Variants in ATP8B4 observed in about 807,000 individuals in gnomAD.
ATP8B4 encodes the protein probable phospholipid-transporting ATPase IM.
ATP8B4 carries 133 observed loss-of-function variants against 145.6 expected under a neutral mutation model. That is an observed-to-expected ratio of 0.91 (90% CI 0.79 to 1.05). ATP8B4 has a LOEUF of 1.05. Among genes scored for constraint, ATP8B4 ranks in the 50% least tolerant of loss-of-function variants. The probability of loss-of-function intolerance (pLI) is 0.00; values close to 1 mark genes in which losing one functional copy is unlikely to be tolerated. For synonymous variants in ATP8B4, 507 were observed against 492.9 expected, an observed-to-expected ratio of 1.03 and a Z score of -0.38; for missense variants, 1,458 against 1,425.2, an observed-to-expected ratio of 1.02 and a Z score of -0.37.
At chr15:49,948,786 G>T (rs28836239) in intron 14 of ATP8B4, among the ~76,000 whole-genome samples, 20,456 of 152,086 alleles carry the variant, frequency 0.13, 2,039 homozygotes, top group African/African-American at 0.28. Flanking sequence ...TTGCTGTGCA[G>T]AAGCTCTTTA....
intron 14 of ATP8B4, among the ~76,000 whole-genome samples, chr15:49,949,424 G>A (rs1041668249): frequency 2.0e-5 from 3 of 152,010 alleles, no homozygotes; most frequent in African/African-American, 7.3e-5. Flanking sequence ...TATTCTCTTC[G>A]TAGTGATTGT....
rs76598011 is a variant in ATP8B4, at chr15:50,050,006, A to T, written c.88-2542T>A. Among the ~76,000 whole-genome samples, 421 of 152,250 alleles carry T rather than the reference A, an allele frequency of 2.8e-3. 3 individuals carry two copies. The highest frequency in any genetic ancestry group is 9.9e-3 in the African/African-American group (410 of 41,524). On this transcript the variant is annotated intron_variant, in intron 3 of 27. Transcript: ENST00000284509. The stretch of plus-strand genomic sequence containing the variant: ...CATAGCAAATTCCATGCCTGGGGTC[A>T]CCTAGACCAAGTCTAAGGCCTTTCT...
At chr15:49,927,655 G>C in intron 16 of ATP8B4, among the ~76,000 whole-genome samples, 1 of 152,082 alleles carries the variant, frequency 6.6e-6, no homozygotes, top group Admixed American at 6.6e-5. Context: ...CCAATGCTGA[G>C]GAAAAGCCAA....
chr15:50,153,595 C>G (rs2044375132), intron 1 of ATP8B4, among the ~76,000 whole-genome samples: 1 of 152,114 alleles, frequency 6.6e-6, no homozygotes, highest in East Asian at 1.9e-4. Flanking sequence ...CCTTGGCCTC[C>G]CAAAGTGCTG....
intron 1 of ATP8B4, among the ~76,000 whole-genome samples, chr15:50,146,104 C>T (rs1438213008): frequency 1.3e-5 from 2 of 151,438 alleles, no homozygotes; most frequent in East Asian, 3.9e-4. Flanking sequence ...CCTCTGCCCT[C>T]TGAGTTCAAG....
chr15:50,074,198 A>G lies in ATP8B4; in HGVS notation c.29-13T>C. On this transcript the variant is annotated splice_polypyrimidine_tract_variant and intron_variant, in intron 2 of 27. Coordinates refer to ENST00000284509, the MANE Select transcript of ATP8B4 (RefSeq NM_024837.4). ...ATCCGTTCCACTTCTAAAGAGAGAG[A>G]AATCAAGTATGAAATTAAATTGTAG... The G allele has an allele frequency of 6.2e-7, 1 of 1,604,454 alleles. No individual in the cohort carries two copies. Among genetic ancestry groups the G allele is most frequent in the Non-Finnish European group, 8.5e-7 (1 of 1,173,820 alleles).
At chr15:50,146,041 C>T (rs1352674644) in intron 1 of ATP8B4, among the ~76,000 whole-genome samples, 3 of 127,868 alleles carry the variant, frequency 2.3e-5, no homozygotes, top group African/African-American at 9.1e-5. Context: ...GAGACGGAGT[C>T]TCACTCTGTT....
chr15:50,014,067 T>C (rs1274726088), intron 6 of ATP8B4, among the ~76,000 whole-genome samples: 1 of 152,180 alleles, frequency 6.6e-6, no homozygotes, highest in African/African-American at 2.4e-5. Context: ...GAGGGGATTT[T>C]CAATGGGTTC....
At chr15:49,878,961 G>A (rs965100627) in intron 24 of ATP8B4, among the ~76,000 whole-genome samples, 10 of 152,192 alleles carry the variant, frequency 6.6e-5, no homozygotes, top group Non-Finnish European at 1.0e-4. Flanking sequence ...AGCTCTCAGA[G>A]GCTAAGGCAG....
At chr15:50,147,805 G>A (rs2044299111) in intron 1 of ATP8B4, among the ~76,000 whole-genome samples, 2 of 152,150 alleles carry the variant, frequency 1.3e-5, no homozygotes. Flanking sequence ...GCCAATGAAT[G>A]CATGTGGAAG....
chr15:50,145,888 C>T (rs1015461449), intron 1 of ATP8B4, among the ~76,000 whole-genome samples: 1 of 151,816 alleles, frequency 6.6e-6, no homozygotes, highest in Admixed American at 6.6e-5. Context: ...AAAGGATTAA[C>T]CAGAAACTAA....
intron 1 of ATP8B4, among the ~76,000 whole-genome samples, chr15:50,148,324 T>C (rs57335604): frequency 0.1 from 15,379 of 152,204 alleles, 867 homozygotes; most frequent in Middle Eastern, 0.15. Flanking sequence ...AAATGCAATC[T>C]GTAATCTAGA....
At chr15:50,117,870 G>C (rs529202033) in intron 1 of ATP8B4, among the ~76,000 whole-genome samples, 1 of 152,166 alleles carries the variant, frequency 6.6e-6, no homozygotes, top group African/African-American at 2.4e-5. Flanking sequence ...GGAACTGGAG[G>C]ATATTATGTT....
chr15:50,152,115 A>T (rs2044355671), intron 1 of ATP8B4, among the ~76,000 whole-genome samples: 1 of 152,146 alleles, frequency 6.6e-6, no homozygotes, highest in Admixed American at 6.6e-5. Context: ...TTGAAAAAAA[A>T]TTATATTTAG....
At chr15:49,946,297 G>A (rs1403098208) in intron 14 of ATP8B4, among the ~76,000 whole-genome samples, 2 of 152,170 alleles carry the variant, frequency 1.3e-5, no homozygotes, top group Non-Finnish European at 2.9e-5. Context: ...CATTAACGAA[G>A]GAGATGAAAG....
At chr15:49,903,972 T>C (rs1404710643) in intron 20 of ATP8B4, among the ~76,000 whole-genome samples, 2 of 152,080 alleles carry the variant, frequency 1.3e-5, no homozygotes, top group Non-Finnish European at 2.9e-5. Context: ...ATCTGGACTT[T>C]GATATGAAAG....
At chr15:49,915,879 G>A in intron 20 of ATP8B4, among the ~76,000 whole-genome samples, 1 of 150,610 alleles carries the variant, frequency 6.6e-6, no homozygotes, top group East Asian at 1.9e-4. Flanking sequence ...GAGGCTGGGA[G>A]ATTCGTGTAC....
At chr15:50,128,717 C>G (rs894795047) in intron 1 of ATP8B4, among the ~76,000 whole-genome samples, 2 of 152,212 alleles carry the variant, frequency 1.3e-5, no homozygotes, top group Non-Finnish European at 2.9e-5. Context: ...TTTTTCCCTA[C>G]TTACCCTTTG....
chr15:50,157,440 C>T (rs2044436180), intron 1 of ATP8B4, among the ~76,000 whole-genome samples: 1 of 152,176 alleles, frequency 6.6e-6, no homozygotes, highest in African/African-American at 2.4e-5. Flanking sequence ...AGTGATCCTG[C>T]TTCAGATCCC....
Sources: gnomAD v4.1 joint callset for allele counts (sites outside exome capture counted in the v4.1 genomes callset) on GRCh38, gnomAD v4.1.1 for gene constraint, MANE v1.5 for transcripts, NCBI Gene and HGNC (gene_info 2026-07-23, HGNC 2026-07-21) for gene names.